Variants in UFL1 observed in about 807,000 individuals in gnomAD.
UFL1 encodes the protein E3 UFM1-protein ligase 1.
A neutral mutation model predicts 99.3 loss-of-function variants in UFL1; 78 were observed. That is an observed-to-expected ratio of 0.79 (90% CI 0.65 to 0.95). UFL1 has a LOEUF of 0.95. UFL1 is among the 40% of genes least tolerant of loss of function. UFL1 has a pLI of 0.00. For missense variants in UFL1, 936 were observed against 937.0 expected, an observed-to-expected ratio of 1.00 and a Z score of 0.01; for synonymous variants, 335 against 322.2, an observed-to-expected ratio of 1.04 and a Z score of -0.42.
At chr6:96,550,975 T>A (rs1770070605) in intron 15 of UFL1, among the ~76,000 whole-genome samples, 1 of 151,922 alleles carries the variant, frequency 6.6e-6, no homozygotes, top group Non-Finnish European at 1.5e-5. Context: ...AGTGGACACT[T>A]ACATGTAGAG....
intron 4 of UFL1, among the ~76,000 whole-genome samples, chr6:96,526,098 G>A (rs1378549292): frequency 1.3e-5 from 2 of 148,362 alleles, no homozygotes; most frequent in Admixed American, 1.3e-4. Context: ...AAAAAAAAAA[G>A]AAAAAGAAAA....
intron 9 of UFL1, 116 bp from the exon 10 acceptor site, chr6:96,538,515 C>T (rs1769886047): frequency 5.4e-6 from 5 of 930,412 alleles, no homozygotes; most frequent in African/African-American, 1.7e-5. Context: ...AAATATGGTT[C>T]CAAAAGCCAC....
chr6:96,525,998 A>G (rs1769695338), intron 4 of UFL1, among the ~76,000 whole-genome samples: 1 of 151,742 alleles, frequency 6.6e-6, no homozygotes, highest in Admixed American at 6.6e-5. Flanking sequence ...AGGTAGGAGG[A>G]TTGCTTGATC....
At chr6:96,523,632 G>A (rs1399707260) in intron 2 of UFL1, among the ~76,000 whole-genome samples, 1 of 152,274 alleles carries the variant, frequency 6.6e-6, no homozygotes, top group Admixed American at 6.5e-5. Flanking sequence ...TGTGAAGGGG[G>A]ACAGTATCTT....
At chr6:96,537,640 G>A (rs1769872447) in intron 9 of UFL1, 91 bp downstream of exon 9, 4 of 1,333,948 alleles carry the variant, frequency 3.0e-6, no homozygotes, top group African/African-American at 3.1e-5. Context: ...ATACATAAAG[G>A]TGGTCTTGGC....
At chr6:96,550,296 C>G (rs1770059617) in intron 15 of UFL1, among the ~76,000 whole-genome samples, 1 of 151,728 alleles carries the variant, frequency 6.6e-6, no homozygotes, top group Admixed American at 6.6e-5. Flanking sequence ...AAGATGACAA[C>G]CCCTCCTTCT....
chr6:96,545,021 A>G (rs1438252147), intron 12 of UFL1, among the ~76,000 whole-genome samples: 2 of 151,080 alleles, frequency 1.3e-5, no homozygotes, highest in Non-Finnish European at 3.0e-5. Flanking sequence ...AGATTACTAG[A>G]AGAAAATATA....
chr6:96,528,989 C>T (rs1322102638), intron 6 of UFL1, among the ~76,000 whole-genome samples: 1 of 152,172 alleles, frequency 6.6e-6, no homozygotes, highest in East Asian at 1.9e-4. Flanking sequence ...TGGTTCATAG[C>T]TTTATCACAT....
At chr6:96,522,041 C>G (rs77958363) in intron 1 of UFL1, 91 bp downstream of exon 1, 1 of 1,372,418 alleles carries the variant, frequency 7.3e-7, no homozygotes, top group Non-Finnish European at 1.0e-6. Context: ...GGCCCTGCAT[C>G]CCGGGTCTTC....
chr6:96,539,538 C>T (rs575322195), intron 10 of UFL1, among the ~76,000 whole-genome samples: 1 of 151,666 alleles, frequency 6.6e-6, no homozygotes, highest in South Asian at 2.1e-4. Context: ...TGATAAGCAG[C>T]AGAGAAGATT....
At chr6:96,534,578 C>G (rs1309724105) in intron 7 of UFL1, among the ~76,000 whole-genome samples, 2 of 151,592 alleles carry the variant, frequency 1.3e-5, no homozygotes, top group African/African-American at 4.8e-5. Flanking sequence ...ATGTCTCACA[C>G]ACTCTATTAT....
chr6:96,531,819 T>C (rs1054666705), intron 6 of UFL1, among the ~76,000 whole-genome samples: 13 of 152,316 alleles, frequency 8.5e-5, no homozygotes, highest in African/African-American at 2.9e-4. Context: ...AGTTTCGCTA[T>C]ATGGAGGTAC....
chr6:96,552,295 T>C (rs1770091840), intron 17 of UFL1, among the ~76,000 whole-genome samples, 187 bp from the exon 18 acceptor site: 1 of 152,088 alleles, frequency 6.6e-6, no homozygotes, highest in Non-Finnish European at 1.5e-5. Context: ...TTTAATTTTG[T>C]AGCACACTAA....
intron 12 of UFL1, among the ~76,000 whole-genome samples, chr6:96,547,313 A>G (rs767877830): frequency 2.0e-5 from 3 of 151,740 alleles, no homozygotes; most frequent in Non-Finnish European, 3.0e-5. Context: ...AAAAGTCAAA[A>G]AACAACAGAT....
Position 96,555,036 on chromosome 6 carries a change from G to A in UFL1, c.*1533G>A, listed in dbSNP as rs1291241536. The stretch of plus-strand genomic sequence containing the variant: ...TCATAGAAAATAAATAGAAGAGACA[G>A]TGAAGCAAGTAAAAAGAAAAGCATT... On this transcript the variant is annotated 3_prime_UTR_variant, in exon 19 of 19. Transcript: ENST00000369278. 2 of 152,518 alleles carry A rather than the reference G, an allele frequency of 1.3e-5. No individual in the cohort carries two copies. The highest frequency in any genetic ancestry group is 2.9e-5 in the Non-Finnish European group (2 of 67,980). 9.4% of individuals were successfully genotyped at this position (152,518 alleles called of 1,614,324 possible).
intron 11 of UFL1, among the ~76,000 whole-genome samples, chr6:96,542,045 A>T (rs1041053421): frequency 6.6e-6 from 1 of 151,334 alleles, no homozygotes; most frequent in African/African-American, 2.4e-5. Flanking sequence ...TATTAAAAAG[A>T]CTAATCTTTT....
chr6:96,539,373 A>G (rs1769899959), intron 10 of UFL1, among the ~76,000 whole-genome samples: 1 of 151,604 alleles, frequency 6.6e-6, no homozygotes, highest in Non-Finnish European at 1.5e-5. Context: ...ATCTCCTTAT[A>G]AAGCCTGCTC....
chr6:96,524,270 G>A (rs1002409350), intron 2 of UFL1, 112 bp from the exon 3 acceptor site: 2 of 889,432 alleles, frequency 2.2e-6, no homozygotes, highest in Non-Finnish European at 3.4e-6. Context: ...GATTATTCTG[G>A]CTCTCTGTTC....
Position 96,523,309 on chromosome 6 carries a change from G to GTTTT in UFL1, c.223+26_223+29dup. 1.6e-6 allele frequency: 2 copies of GTTTT among 1,224,310 alleles called. No individual in the cohort carries two copies. The highest frequency in any genetic ancestry group is 2.2e-6 in the Non-Finnish European group (2 of 904,906). 75.8% of individuals were successfully genotyped at this position (1,224,310 alleles called of 1,614,324 possible). A position where few individuals can be genotyped will look rare whatever the true frequency, so the allele number is the denominator to read the frequency against. On this transcript the variant is annotated intron_variant, in intron 2 of 18. Transcript: ENST00000369278. ...CCGAGGTGGTAGGTAATTCTTTAGTGTTTTTTTTTTTCTTGGATTTTTGGA... is the reference window on the plus strand; with the variant it reads ...CCGAGGTGGTAGGTAATTCTTTAGTGTTTTTTTTTTTTTTTCTTGGATTTTTGGA...
Sources: gnomAD v4.1 joint callset for allele counts (sites outside exome capture counted in the v4.1 genomes callset) on GRCh38, gnomAD v4.1.1 for gene constraint, MANE v1.5 for transcripts, NCBI Gene and HGNC (gene_info 2026-07-23, HGNC 2026-07-21) for gene names.